The following ROBO2 variants were observed in gnomAD, a reference collection of about 807,000 sequenced individuals.
The protein encoded by ROBO2 is roundabout guidance receptor 2, also known as roundabout homolog 2.
In ROBO2, 53 loss-of-function variants were observed where a neutral mutation model predicts 160.8. The ratio of observed to expected loss-of-function variants is 0.33; its 90% CI spans 0.26 to 0.41. The LOEUF (loss-of-function observed/expected upper bound fraction) is 0.41, where lower values mean the gene tolerates loss of function less well. Ranked by LOEUF, ROBO2 falls within the 10% of genes least tolerant of loss-of-function variation. The pLI, the probability that ROBO2 is intolerant of heterozygous loss-of-function variation, is 1.00. For synonymous variants in ROBO2, 664 were observed against 611.7 expected (o/e 1.09, Z -1.26); for missense variants, 1,577 against 1,722.4 (o/e 0.92, Z 1.49).
chr3:76,736,099 C>T (rs906530938), intron 2 of ROBO2, among the ~76,000 whole-genome samples: 6 of 151,142 alleles, frequency 4.0e-5, no homozygotes, highest in South Asian at 4.2e-4. Context: ...CTGGCTAACA[C>T]GGTGAAACCC....
intron 2 of ROBO2, among the ~76,000 whole-genome samples, chr3:77,405,802 G>A (rs2076206881): frequency 6.6e-6 from 1 of 152,104 alleles, no homozygotes; most frequent in Non-Finnish European, 1.5e-5. Flanking sequence ...GTGCAGAGGT[G>A]AGCAAAAAGG....
intron 2 of ROBO2, among the ~76,000 whole-genome samples, chr3:76,954,587 A>G (rs2079137435): frequency 6.6e-6 from 1 of 152,244 alleles, no homozygotes; most frequent in African/African-American, 2.4e-5. Context: ...ATGTCTCAGC[A>G]TAAAAGCATG....
chr3:76,715,375 G>A (rs1193215391), intron 2 of ROBO2, among the ~76,000 whole-genome samples: 1 of 152,124 alleles, frequency 6.6e-6, no homozygotes, highest in African/African-American at 2.4e-5. Context: ...ATTCAACAAA[G>A]ATGGACTCAG....
chr3:77,548,058 C>T (rs187794221), intron 7 of ROBO2, among the ~76,000 whole-genome samples: 42 of 150,820 alleles, frequency 2.8e-4, no homozygotes, highest in Admixed American at 2.4e-3. Flanking sequence ...GACATGCACA[C>T]ATATACACAC....
At chr3:76,608,381 A>T (rs2087819987) in intron 2 of ROBO2, among the ~76,000 whole-genome samples, 1 of 152,162 alleles carries the variant, frequency 6.6e-6, no homozygotes, top group Non-Finnish European at 1.5e-5. Context: ...GGAAGGAAAG[A>T]CAAAATTAAA....
At chr3:76,766,639 A>G (rs1270453129) in intron 2 of ROBO2, among the ~76,000 whole-genome samples, 1 of 151,698 alleles carries the variant, frequency 6.6e-6, no homozygotes, top group Non-Finnish European at 1.5e-5. Flanking sequence ...GTGCTGTCCC[A>G]AACTCCTGAG....
chr3:76,086,846 T>C (rs1174990728), intron 2 of ROBO2, among the ~76,000 whole-genome samples: 2 of 151,940 alleles, frequency 1.3e-5, no homozygotes, highest in Non-Finnish European at 2.9e-5. Flanking sequence ...ATGAAAATTA[T>C]AAAAAAGAAT....
chr3:76,058,588 A>AG (rs2067940370), intron 2 of ROBO2, among the ~76,000 whole-genome samples: 1 of 47,758 alleles, frequency 2.1e-5, no homozygotes, highest in African/African-American at 1.0e-4. Context: ...AACAGCAGAA[A>AG]CTTTTTTTTT....
intron 2 of ROBO2, among the ~76,000 whole-genome samples, chr3:76,010,130 G>T (rs1024549620): frequency 6.6e-6 from 1 of 152,176 alleles, no homozygotes; most frequent in East Asian, 1.9e-4. Context: ...TAATAAAAAT[G>T]TCAACTTCGA....
At chr3:77,383,387 G>A (rs896556883) in intron 2 of ROBO2, among the ~76,000 whole-genome samples, 1 of 151,898 alleles carries the variant, frequency 6.6e-6, no homozygotes, top group East Asian at 1.9e-4. Flanking sequence ...TTAAAATTTG[G>A]AAACAAGTTT....
rs149966223 is a variant in ROBO2, at chr3:77,367,726, G to A, written c.389-109688G>A. Among the ~76,000 whole-genome samples, 527 of 152,142 alleles carry A rather than the reference G, an allele frequency of 3.5e-3. 5 individuals carry two copies. Among genetic ancestry groups the A allele is most frequent in the African/African-American group, 0.012 (511 of 41,504 alleles). ...TAAACTCTCTGGATGAAATATTACC[G>A]CTAGCTTCCAGAACTTTATTCTGTT... is the stretch of plus-strand genomic sequence containing the variant. On this transcript the variant is annotated intron_variant, in intron 2 of 25. Transcript: ENST00000461745.
intron 2 of ROBO2, among the ~76,000 whole-genome samples, chr3:76,995,403 A>C (rs7647366): frequency 6.6e-6 from 1 of 151,968 alleles, no homozygotes; most frequent in Non-Finnish European, 1.5e-5. Context: ...TAGTGCTGCA[A>C]TAAACATACG....
At chr3:76,979,581 ATG>A (rs2059988061) in intron 2 of ROBO2, among the ~76,000 whole-genome samples, 1 of 150,838 alleles carries the variant, frequency 6.6e-6, no homozygotes, top group Admixed American at 6.6e-5. Flanking sequence ...ATTGGGGTGT[ATG>A]TGTGTGTGTG....
chr3:76,696,649 A>C (rs2092934194), intron 2 of ROBO2, among the ~76,000 whole-genome samples: 1 of 152,218 alleles, frequency 6.6e-6, no homozygotes, highest in Admixed American at 6.5e-5. Context: ...TATGATACGA[A>C]GTGACAGAAT....
rs142084033 is a variant in ROBO2 at position 77,048,324 on chromosome 3, G to A, written c.61+7478G>A. On this transcript the variant is annotated intron_variant, in intron 1 of 25. Coordinates refer to ENST00000461745, the Ensembl canonical transcript of ROBO2. The stretch of plus-strand genomic sequence containing the variant: ...CTTAAGGGAACTTATCGGTGGCCTC[G>A]CCTACACAGCTGTGACAGTTGTGCT... Among the ~76,000 whole-genome samples the A allele has an allele frequency of 2.7e-3, 414 of 151,414 alleles. 1 individual carries two copies. The highest frequency in any genetic ancestry group is 9.4e-3 in the African/African-American group (387 of 41,218).
At chr3:76,163,817 G>A (rs1171714018) in intron 2 of ROBO2, among the ~76,000 whole-genome samples, 3 of 151,818 alleles carry the variant, frequency 2.0e-5, no homozygotes, top group African/African-American at 7.3e-5. Context: ...TTTTCATGGT[G>A]GAGGATCATA....
intron 2 of ROBO2, among the ~76,000 whole-genome samples, chr3:77,188,398 C>G (rs1467370971): frequency 6.6e-6 from 1 of 151,774 alleles, no homozygotes; most frequent in Non-Finnish European, 1.5e-5. Context: ...GCAAAATGGC[C>G]TGTCAGGATT....
intron 2 of ROBO2, among the ~76,000 whole-genome samples, chr3:76,932,186 T>C (rs540656610): frequency 6.6e-6 from 1 of 152,062 alleles, no homozygotes; most frequent in Non-Finnish European, 1.5e-5. Flanking sequence ...ATGAGTATTC[T>C]ACTAGAAAAC....
At chr3:76,424,397 G>C (rs1675563260) in intron 2 of ROBO2, among the ~76,000 whole-genome samples, 1 of 151,982 alleles carries the variant, frequency 6.6e-6, no homozygotes, top group African/African-American at 2.4e-5. Context: ...TGTGAAATAA[G>C]CCAGATACAG....
Sources: allele counts gnomAD v4.1 joint callset (sites outside exome capture counted in the v4.1 genomes callset), GRCh38; gene constraint gnomAD v4.1.1; transcripts MANE v1.5; gene names NCBI Gene and HGNC (gene_info 2026-07-23, HGNC 2026-07-21).